KLHL13: variants seen among roughly 807,000 people sequenced by gnomAD.
KLHL13 encodes the protein kelch-like protein 13.
A neutral mutation model predicts 37.1 loss-of-function variants in KLHL13; 10 were observed. The ratio of observed to expected loss-of-function variants is 0.27; its 90% confidence interval spans 0.17 to 0.46. KLHL13 has a LOEUF of 0.46. Among genes scored for constraint, KLHL13 ranks in the 20% least tolerant of loss-of-function variants. The pLI is 1.00. For missense variants in KLHL13, 360 were observed against 509.3 expected (o/e 0.71, Z 2.82); for synonymous variants, 163 against 181.2 (o/e 0.90, Z 0.81).
intron 3 of KLHL13, 135 bp downstream of exon 4, chrX:117,920,103 C>T (rs1399761300): frequency 6.6e-6 from 4 of 604,181 alleles, no homozygotes; most frequent in Non-Finnish European, 1.0e-5. Context: ...CCACCGAAAA[C>T]CATACATACT....
chrX:117,973,855 G>C, upstream of KLHL13: 1 of 371,034 alleles, frequency 2.7e-6, no homozygotes, highest in Non-Finnish European at 3.2e-6. Flanking sequence ...CCCGCAGACA[G>C]CTCACAAATT....
At chrX:118,067,161 T>C (rs1327457891) in intron 1 of KLHL13, among the ~76,000 whole-genome samples, 3 of 112,368 alleles carry the variant, frequency 2.7e-5, no homozygotes, top group Non-Finnish European at 3.8e-5. Context: ...AAACCTCTAA[T>C]GCATGTGACT....
chrX:118,035,675 A>G (rs1004433569), intron 1 of KLHL13, among the ~76,000 whole-genome samples: 15 of 111,174 alleles, frequency 1.3e-4, no homozygotes, highest in Non-Finnish European at 2.4e-4. Context: ...CCTTTTGAAA[A>G]CAGGCACAAG....
intron 2 of KLHL13, among the ~76,000 whole-genome samples, chrX:117,931,488 T>C (rs1932449337): frequency 8.9e-6 from 1 of 111,825 alleles, no homozygotes; most frequent in Non-Finnish European, 1.9e-5. Flanking sequence ...CCCTGATTTT[T>C]TTTTTCTCTT....
chrX:118,011,825 T>C (rs73597409), intron 1 of KLHL13, among the ~76,000 whole-genome samples: 166 of 112,436 alleles, frequency 1.5e-3, no homozygotes, highest in African/African-American at 5.3e-3. Context: ...TAAACATTTG[T>C]ATTTATGAGA....
chrX:118,087,406 C>CAT (rs1233299880), intron 1 of KLHL13, among the ~76,000 whole-genome samples: 20 of 109,104 alleles, frequency 1.8e-4, no homozygotes, highest in Non-Finnish European at 3.8e-4. Flanking sequence ...TATATATACA[C>CAT]ATATATATAT....
chrX:118,065,925 G>T (rs899409383), intron 1 of KLHL13, among the ~76,000 whole-genome samples: 1 of 111,137 alleles, frequency 9.0e-6, no homozygotes, highest in African/African-American at 3.3e-5. Context: ...TCCATTTACT[G>T]TTTTTTTTCT....
chrX:117,958,042 T>C (rs1011735731), intron 1 of KLHL13, among the ~76,000 whole-genome samples: 1 of 111,793 alleles, frequency 8.9e-6, no homozygotes, highest in East Asian at 2.8e-4. Flanking sequence ...GCCAGTATCA[T>C]GGTATTTCTC....
upstream of KLHL13, among the ~76,000 whole-genome samples, chrX:117,974,080 G>A (rs962410656): frequency 1.8e-5 from 2 of 111,338 alleles, no homozygotes; most frequent in African/African-American, 3.3e-5. Flanking sequence ...AGAAAATAGC[G>A]TTGTAAATGC....
chrX:117,919,262 G>A lies in KLHL13; in HGVS notation c.570+259C>T, dbSNP rs148718560. On this transcript the variant is annotated intron_variant, in intron 4 of 6. Transcript: ENST00000262820. Reference sequence around the variant, plus strand: ...TGGTCTTGAACTCCCAACCTTAGACGATCTGCCCGCCTCGGCCTCCCAAAG... The same window carrying A: ...TGGTCTTGAACTCCCAACCTTAGACAATCTGCCCGCCTCGGCCTCCCAAAG... Among the ~76,000 whole-genome samples, 1,026 of 112,054 alleles carry A rather than the reference G, an allele frequency of 9.2e-3. 17 individuals carry two copies. Among genetic ancestry groups the A allele is most frequent in the African/African-American group, 0.031 (950 of 30,846 alleles).
At chrX:117,972,350 C>T (rs920426899) in intron 1 of KLHL13, among the ~76,000 whole-genome samples, 2 of 112,327 alleles carry the variant, frequency 1.8e-5, no homozygotes, top group Admixed American at 1.9e-4. Context: ...CCATATTTAA[C>T]ACACCACCAT....
intron 1 of KLHL13, among the ~76,000 whole-genome samples, chrX:118,023,864 C>T (rs1196567747): frequency 8.9e-6 from 1 of 111,856 alleles, no homozygotes; most frequent in Non-Finnish European, 1.9e-5. Context: ...GAGCCTTTTC[C>T]TATGTTTTAC....
chrX:118,051,816 A>G (rs2054616998), intron 1 of KLHL13, among the ~76,000 whole-genome samples: 1 of 111,538 alleles, frequency 9.0e-6, no homozygotes, highest in South Asian at 3.8e-4. Flanking sequence ...TCTGTAGTTC[A>G]TTGGGAGAAC....
At chrX:117,983,460 A>T (rs1228408285) in intron 1 of KLHL13, 1 of 1,064,207 alleles carries the variant, frequency 9.4e-7, no homozygotes, top group Middle Eastern at 2.5e-4. Flanking sequence ...GTGAGGAAAA[A>T]TGTAGACCCC....
chrX:118,028,340 A>T, intron 1 of KLHL13, 84 bp downstream of exon 2: 1 of 584,389 alleles, frequency 1.7e-6, no homozygotes, highest in South Asian at 2.8e-5. Flanking sequence ...CCAAGTATTC[A>T]ACAAATATTT....
chrX:117,991,561 G>A (rs1470291261), intron 1 of KLHL13, among the ~76,000 whole-genome samples: 1 of 110,648 alleles, frequency 9.0e-6, no homozygotes, highest in Non-Finnish European at 1.9e-5. Context: ...CCACTTTCAA[G>A]GTCCCCTCAA....
intron 2 of KLHL13, among the ~76,000 whole-genome samples, chrX:117,938,800 A>C (rs925870611): frequency 9.0e-6 from 1 of 110,870 alleles, no homozygotes; most frequent in Non-Finnish European, 1.9e-5. Flanking sequence ...TTGACCCCTT[A>C]TTCTCTCTTC....
intron 1 of KLHL13, among the ~76,000 whole-genome samples, chrX:118,075,028 C>T (rs1165553832): frequency 8.9e-6 from 1 of 111,909 alleles, no homozygotes; most frequent in East Asian, 2.8e-4. Flanking sequence ...CAGATCATTG[C>T]TCTTTTCCCA....
At chrX:117,997,035 G>T (rs970351555) in intron 1 of KLHL13, among the ~76,000 whole-genome samples, 5 of 111,271 alleles carry the variant, frequency 4.5e-5, no homozygotes, top group Non-Finnish European at 7.5e-5. Context: ...GCATCTCATA[G>T]AATCCAAGCT....
Sources: gnomAD v4.1 joint callset for allele counts (sites outside exome capture counted in the v4.1 genomes callset) on GRCh38, gnomAD v4.1.1 for gene constraint, MANE v1.5 for transcripts, NCBI Gene and HGNC (gene_info 2026-07-23, HGNC 2026-07-21) for gene names.